The following GNA13 variants were observed in gnomAD, a reference collection of about 807,000 sequenced individuals.
The protein encoded by GNA13 is guanine nucleotide-binding protein subunit alpha-13.
A neutral mutation model predicts 33.5 loss-of-function variants in GNA13; 4 were observed. The ratio of observed to expected loss-of-function variants is 0.12; its 90% confidence interval spans 0.06 to 0.27. The LOEUF is 0.27. Among genes scored for constraint, GNA13 ranks in the 10% least tolerant of loss-of-function variants. The pLI, the probability that GNA13 is intolerant of heterozygous loss-of-function variation, is 1.00. For synonymous variants in GNA13, 176 were observed against 183.8 expected (o/e 0.96, Z 0.34); for missense variants, 319 against 487.2 (o/e 0.65, Z 3.25).
intron 2 of GNA13, among the ~76,000 whole-genome samples, chr17:65,024,177 C>T (rs1459381115): frequency 6.6e-6 from 1 of 152,066 alleles, no homozygotes; most frequent in African/African-American, 2.4e-5. Flanking sequence ...CACCTGAGCC[C>T]GGGGGTTGAG....
At chr17:65,051,561 A>G (rs890187961) in intron 2 of GNA13, among the ~76,000 whole-genome samples, 6 of 152,160 alleles carry the variant, frequency 3.9e-5, no homozygotes, top group Non-Finnish European at 8.8e-5. Flanking sequence ...GTGAGCCAAG[A>G]TCGCGCCACT....
chr17:65,046,626 G>C (rs911802742), intron 2 of GNA13, among the ~76,000 whole-genome samples: 2 of 152,206 alleles, frequency 1.3e-5, no homozygotes, highest in Non-Finnish European at 2.9e-5. Flanking sequence ...GCGCATATCT[G>C]TGAAAGATAA....
chr17:65,030,554 G>A (rs558688355), intron 2 of GNA13, among the ~76,000 whole-genome samples: 1 of 152,320 alleles, frequency 6.6e-6, no homozygotes, highest in African/African-American at 2.4e-5. Context: ...CACTCAAGTA[G>A]GCTATTCAAA....
intron 2 of GNA13, among the ~76,000 whole-genome samples, chr17:65,022,293 T>A (rs1415544547): frequency 6.6e-6 from 1 of 151,962 alleles, no homozygotes; most frequent in Non-Finnish European, 1.5e-5. Flanking sequence ...AGGCAGTGTG[T>A]TGCACTCTCA....
chr17:65,054,012 T>G (rs1907950258), intron 1 of GNA13, among the ~76,000 whole-genome samples: 1 of 152,174 alleles, frequency 6.6e-6, no homozygotes, highest in Non-Finnish European at 1.5e-5. Context: ...ACTTCTAGGA[T>G]AGAAGGTAGT....
intron 2 of GNA13, among the ~76,000 whole-genome samples, chr17:65,049,569 G>A (rs1353830453): frequency 6.6e-6 from 1 of 152,124 alleles, no homozygotes; most frequent in Non-Finnish European, 1.5e-5. Context: ...ACACATAATG[G>A]GTACTGTGAG....
chr17:65,020,846 T>C (rs888703596), intron 2 of GNA13, among the ~76,000 whole-genome samples: 2 of 152,092 alleles, frequency 1.3e-5, no homozygotes, highest in African/African-American at 4.8e-5. Context: ...AGACAGGGTT[T>C]CCCCATGTTG....
In GNA13 at chr17:65,011,392, T is replaced by C. The variant is rs1906183940; in HGVS notation, c.*2865A>G. Reference sequence around the variant, plus strand: ...TTGGTTGCAGAGCAATCCAGTGCCCTTTCCAGATAATAAAATTGAAATGAA... The same window carrying C: ...TTGGTTGCAGAGCAATCCAGTGCCCCTTCCAGATAATAAAATTGAAATGAA... On this transcript the variant is annotated 3_prime_UTR_variant, in exon 4 of 4. Transcript: ENST00000439174. The C allele has an allele frequency of 5.1e-6, 1 of 196,712 alleles. No homozygotes were observed. Among genetic ancestry groups the C allele is most frequent in the South Asian group, 1.9e-4 (1 of 5,192 alleles). 12.2% of individuals were successfully genotyped at this position (196,712 alleles called of 1,614,324 possible).
intron 2 of GNA13, among the ~76,000 whole-genome samples, chr17:65,048,211 T>C (rs1181335546): frequency 6.6e-6 from 1 of 152,136 alleles, no homozygotes; most frequent in Non-Finnish European, 1.5e-5. Flanking sequence ...GCCTTATTTC[T>C]CAATAAGTGA....
At chr17:65,018,037 A>T (rs2143771951) in intron 3 of GNA13, among the ~76,000 whole-genome samples, 1 of 149,064 alleles carries the variant, frequency 6.7e-6, no homozygotes, top group Middle Eastern at 3.4e-3. Flanking sequence ...ATCATTCAAT[A>T]TTCTGAGCTA....
rs1043023581 is a variant in GNA13, at chr17:65,010,526, G to A, written c.*3731C>T. 6.6e-6 allele frequency among the ~76,000 whole-genome samples: 1 copy of A among 151,774 alleles called. No individual in the cohort carries two copies. The highest frequency in any genetic ancestry group is 2.4e-5 in the African/African-American group (1 of 41,200). ...AAACAAAACAAAACAAAACAAAACA[G>A]TGCTTTTAGTCAAGCAGCACAACAC... On this transcript the variant is annotated 3_prime_UTR_variant, in exon 4 of 4. Transcript: ENST00000439174.
chr17:65,032,838 C>T (rs28435216), intron 2 of GNA13, among the ~76,000 whole-genome samples: 8,556 of 152,110 alleles, frequency 0.056, 641 homozygotes, highest in African/African-American at 0.18. Context: ...AGGCTGGGTG[C>T]GGCGGCTCAT....
Position 65,012,632 on chromosome 17 carries a change from A to T in GNA13, c.*1625T>A. 1 of 229,662 alleles carries T rather than the reference A, an allele frequency of 4.4e-6. No individual in the cohort carries two copies. Among genetic ancestry groups the T allele is most frequent in the Non-Finnish European group, 8.6e-6 (1 of 115,816 alleles). The allele number at this position is 229,662 out of a possible 1,614,324, so 14.2% of individuals were successfully genotyped here. ...GGTATGTCAAGAACAATCCCTGGTT[A>T]GTTCACTGAAAAGCCCCACTCTCGT... On this transcript the variant is annotated 3_prime_UTR_variant, in exon 4 of 4. Transcript: ENST00000439174.
intron 3 of GNA13, among the ~76,000 whole-genome samples, chr17:65,016,736 G>C (rs1438655424): frequency 2.0e-5 from 3 of 152,182 alleles, no homozygotes; most frequent in Non-Finnish European, 4.4e-5. Context: ...AATAACTCTA[G>C]GACTCAAGTG....
At chr17:65,036,737 G>C (rs908196256) in intron 2 of GNA13, among the ~76,000 whole-genome samples, 1 of 152,126 alleles carries the variant, frequency 6.6e-6, no homozygotes, top group Non-Finnish European at 1.5e-5. Flanking sequence ...AATAAAACTA[G>C]CTGTGACCTT....
At chr17:65,046,571 A>G (rs1335678127) in intron 2 of GNA13, among the ~76,000 whole-genome samples, 1 of 152,226 alleles carries the variant, frequency 6.6e-6, no homozygotes, top group Admixed American at 6.5e-5. Flanking sequence ...AGAAACTGGC[A>G]CCTGTTTTGG....
At chr17:65,044,772 C>T (rs967021851) in intron 2 of GNA13, among the ~76,000 whole-genome samples, 24 of 151,094 alleles carry the variant, frequency 1.6e-4, no homozygotes, top group Non-Finnish European at 1.0e-4. Context: ...AACAATAGGC[C>T]GGGCTCACGC....
At chr17:65,028,261 C>T (rs1050919717) in intron 2 of GNA13, among the ~76,000 whole-genome samples, 2 of 151,788 alleles carry the variant, frequency 1.3e-5, no homozygotes, top group South Asian at 4.2e-4. Context: ...AAACATTAGG[C>T]GGGCATAGTG....
chr17:65,033,151 ATATGT>A (rs1355898549), intron 2 of GNA13, among the ~76,000 whole-genome samples: 1 of 151,588 alleles, frequency 6.6e-6, no homozygotes, highest in Non-Finnish European at 1.5e-5. Flanking sequence ...GATGTATAGG[ATATGT>A]TTTCAATGAG....
Sources: gnomAD v4.1 joint callset for allele counts (sites outside exome capture counted in the v4.1 genomes callset) on GRCh38, gnomAD v4.1.1 for gene constraint, MANE v1.5 for transcripts, NCBI Gene and HGNC (gene_info 2026-07-23, HGNC 2026-07-21) for gene names.